Variants in LHX4 observed in about 807,000 individuals in gnomAD.
LHX4 encodes LIM homeobox 4, also known as LIM/homeobox protein Lhx4.
LHX4 carries 16 observed loss-of-function variants against 39.2 expected under a neutral mutation model. That is an observed-to-expected ratio of 0.41 (90% CI 0.28 to 0.62). LHX4 has a LOEUF of 0.62. Ranked by LOEUF, LHX4 falls within the 20% of genes least tolerant of loss-of-function variation. The pLI, the probability that LHX4 is intolerant of heterozygous loss-of-function variation, is 0.33. For missense variants in LHX4, 439 were observed against 511.9 expected, an observed-to-expected ratio of 0.86 and a Z score of 1.37; for synonymous variants, 206 against 198.1, an observed-to-expected ratio of 1.04 and a Z score of -0.33.
intron 2 of LHX4, among the ~76,000 whole-genome samples, chr1:180,262,548 C>A (rs1571279059): frequency 3.3e-5 from 5 of 152,072 alleles, no homozygotes; most frequent in Non-Finnish European, 2.9e-5. Flanking sequence ...TAAACACTTA[C>A]CAAAGTATGC....
At chr1:180,252,277 G>A (rs374242879) in intron 2 of LHX4, among the ~76,000 whole-genome samples, 3 of 152,278 alleles carry the variant, frequency 2.0e-5, no homozygotes, top group Non-Finnish European at 2.9e-5. Flanking sequence ...CAAGCAGTCC[G>A]TGGAACCCCA....
intron 1 of LHX4, among the ~76,000 whole-genome samples, chr1:180,244,744 G>T (rs1258571337): frequency 6.6e-6 from 1 of 152,182 alleles, no homozygotes; most frequent in Non-Finnish European, 1.5e-5. Context: ...CAAGGAGTTG[G>T]GCTAGCTCCC....
At position 180,248,468 on chromosome 1, in the gene LHX4, C is replaced by A; in HGVS notation, c.248+12C>A. On this transcript the variant is annotated intron_variant, in intron 2 of 5. Transcript: ENST00000263726. ...GAGGACTTCTTCAAGTAAGTCAGAA[C>A]GGTCCGTCTCGTGGCCCTGGCCTGT... 1 of 1,613,680 alleles carries A rather than the reference C, an allele frequency of 6.2e-7. No individual in the cohort carries two copies. The highest frequency in any genetic ancestry group is 8.5e-7 in the Non-Finnish European group (1 of 1,179,942).
chr1:180,239,094 A>G (rs1399463669), intron 1 of LHX4, among the ~76,000 whole-genome samples: 2 of 152,256 alleles, frequency 1.3e-5, no homozygotes, highest in African/African-American at 4.8e-5. Context: ...TAATGTAACT[A>G]TACCTCCGTT....
rs2149266809 is a variant in LHX4, at chr1:180,271,893, A to C, written c.665A>C (p.His222Pro). ...EKRLKKDAGR[H>P]RWGQFYKSVK... The stretch of plus-strand genomic sequence containing the variant: ...CGCCTGAAGAAGGATGCAGGGCGGC[A>C]CCGCTGGGGGCAGTTCTATAAGAGC... Residue 222 changes from histidine to proline, a missense_variant, in exon 5 of 6, where the codon CAC becomes CCC. Coordinates refer to ENST00000263726, the MANE Select transcript of LHX4 (RefSeq NM_033343.4). 1 of 1,613,610 alleles carries C rather than the reference A, an allele frequency of 6.2e-7. No individual in the cohort carries two copies. Among genetic ancestry groups the C allele is most frequent in the Non-Finnish European group, 8.5e-7 (1 of 1,179,948 alleles).
rs976725899 is a variant in LHX4, at chr1:180,275,923, G to A, written c.*1344G>A. Reference sequence around the variant, plus strand: ...TGAGGCCAGAGCAAGGCCAACCCCCGCTTTACGAGTTGCCACTCCTGCGAC... The same window carrying A: ...TGAGGCCAGAGCAAGGCCAACCCCCACTTTACGAGTTGCCACTCCTGCGAC... On this transcript the variant is annotated 3_prime_UTR_variant, in exon 6 of 6. Coordinates refer to ENST00000263726, the MANE Select transcript of LHX4 (RefSeq NM_033343.4). 6 of 152,408 alleles carry A rather than the reference G, an allele frequency of 3.9e-5. No individual in the cohort carries two copies. Among genetic ancestry groups the A allele is most frequent in the Admixed American group, 2.6e-4 (4 of 15,302 alleles). 9.4% of individuals were successfully genotyped at this position (152,408 alleles called of 1,614,324 possible).
intron 4 of LHX4, 125 bp from the exon 5 acceptor site, chr1:180,271,710 C>A: frequency 3.1e-6 from 4 of 1,285,238 alleles, no homozygotes; most frequent in Non-Finnish European, 4.5e-6. Context: ...TGGGGCGCAT[C>A]GCACTCCCAG....
rs544240876 is a variant in LHX4 at position 180,252,456 on chromosome 1, C to T, written c.248+4000C>T. Among the ~76,000 whole-genome samples the T allele has an allele frequency of 1.2e-3, 176 of 152,276 alleles. 1 individual carries two copies. Among genetic ancestry groups the T allele is most frequent in the African/African-American group, 3.9e-3 (164 of 41,556 alleles). On this transcript the variant is annotated intron_variant, in intron 2 of 5. Coordinates refer to ENST00000263726, the MANE Select transcript of LHX4 (RefSeq NM_033343.4). Reference sequence around the variant, plus strand: ...CTAGGGAGAGTCCCTTTTCCACGCTCCTTGAAGAAAAAGAAAAAAGAAAAA... The same window carrying T: ...CTAGGGAGAGTCCCTTTTCCACGCTTCTTGAAGAAAAAGAAAAAAGAAAAA...
At chr1:180,251,487 C>T (rs1450103498) in intron 2 of LHX4, among the ~76,000 whole-genome samples, 1 of 152,232 alleles carries the variant, frequency 6.6e-6, no homozygotes, top group Non-Finnish European at 1.5e-5. Context: ...GCCCATTTCT[C>T]GTGTGCCTGG....
Position 180,274,239 on chromosome 1 carries a change from G to T in LHX4, c.833G>T (p.Gly278Val), listed in dbSNP as rs1467560203. The T allele has an allele frequency of 1.9e-6, 3 of 1,614,220 alleles. No individual in the cohort carries two copies. The highest frequency in any genetic ancestry group is 1.7e-6 in the Non-Finnish European group (2 of 1,180,042). The change falls in exon 6 of 6, where the codon GGG becomes GTG. Residue 278 changes from glycine (G) to valine (V), a missense_variant. By Grantham distance (109) the Gly-to-Val change is moderately radical (BLOSUM62 -3). Transcript: ENST00000263726. ...GHTNRIYGNVGDVTGGQLMNG... is the reference protein window; with the variant it reads ...GHTNRIYGNVVDVTGGQLMNG... Reference sequence around the variant, plus strand: ...ACCAATAGGATTTATGGCAACGTGGGGGACGTTACAGGCGGACAGTTAATG... The same window carrying T: ...ACCAATAGGATTTATGGCAACGTGGTGGACGTTACAGGCGGACAGTTAATG...
chr1:180,272,034 A>G, intron 5 of LHX4, 28 bp downstream of exon 5: 1 of 1,596,818 alleles, frequency 6.3e-7, no homozygotes, highest in Non-Finnish European at 8.5e-7. Flanking sequence ...GGCCAGGCCG[A>G]GGCCTTAGGA....
intron 5 of LHX4, 47 bp downstream of exon 5, chr1:180,272,053 T>A (rs764958749): frequency 3.2e-6 from 5 of 1,553,746 alleles, no homozygotes; most frequent in Non-Finnish European, 4.4e-6. Context: ...GAAAGTCCCC[T>A]GGGAATCTGT....
chr1:180,263,605 T>C (rs891782281), intron 2 of LHX4, among the ~76,000 whole-genome samples: 2 of 152,218 alleles, frequency 1.3e-5, no homozygotes, highest in African/African-American at 2.4e-5. Context: ...ATCAGGAAAA[T>C]TGCTTCAATT....
Position 180,277,664 on chromosome 1 carries a change from C to T in LHX4, c.*3085C>T, listed in dbSNP as rs1380275053. The T allele has an allele frequency of 6.6e-6, 1 of 152,184 alleles. No individual in the cohort carries two copies. The highest frequency in any genetic ancestry group is 2.4e-5 in the African/African-American group (1 of 41,426). The allele number at this position is 152,184 out of a possible 1,614,324, so 9.4% of individuals were successfully genotyped here. ...AGTGTTGGGAGTCAGGTTCTTGGCC[C>T]TTCAAGGACTTGCTATGCAACCTCA... On this transcript the variant is annotated 3_prime_UTR_variant, in exon 6 of 6. Coordinates refer to ENST00000263726, the MANE Select transcript of LHX4 (RefSeq NM_033343.4).
chr1:180,238,650 T>C (rs1009762536), intron 1 of LHX4, among the ~76,000 whole-genome samples: 2 of 152,242 alleles, frequency 1.3e-5, no homozygotes, highest in African/African-American at 4.8e-5. Context: ...AATTTTGTGC[T>C]TTAGCTGTGT....
intron 1 of LHX4, among the ~76,000 whole-genome samples, chr1:180,242,132 C>A (rs1343849602): frequency 6.6e-6 from 1 of 152,196 alleles, no homozygotes; most frequent in Admixed American, 6.5e-5. Context: ...CTCCCCACTG[C>A]TTCAGGATTG....
chr1:180,272,340 CT>C (rs1471218288), intron 5 of LHX4, among the ~76,000 whole-genome samples: 2 of 152,200 alleles, frequency 1.3e-5, no homozygotes, highest in African/African-American at 2.4e-5. Flanking sequence ...CCTTGTGCCC[CT>C]AGCCCCTCTC....
chr1:180,275,737 A>G lies in LHX4; in HGVS notation c.*1158A>G, dbSNP rs1303550718. 6.6e-6 allele frequency: 1 copy of G among 152,188 alleles called. No homozygotes were observed. Among genetic ancestry groups the G allele is most frequent in the Non-Finnish European group, 1.5e-5 (1 of 68,046 alleles). The allele number at this position is 152,188 out of a possible 1,614,324, so 9.4% of individuals were successfully genotyped here. ...AGGGAGCAGCCCTAAAATTGTCCAAAGGGTTCTAAGTGGTTCTTGGGCTGC... is the reference window on the plus strand; with the variant it reads ...AGGGAGCAGCCCTAAAATTGTCCAAGGGGTTCTAAGTGGTTCTTGGGCTGC... On this transcript the variant is annotated 3_prime_UTR_variant, in exon 6 of 6. Transcript: ENST00000263726.
chr1:180,254,156 G>C (rs1647748214), intron 2 of LHX4, among the ~76,000 whole-genome samples: 1 of 152,140 alleles, frequency 6.6e-6, no homozygotes, highest in Non-Finnish European at 1.5e-5. Flanking sequence ...CCCGTCAGGG[G>C]GCGTGGAGTG....
Sources: allele counts gnomAD v4.1 joint callset (sites outside exome capture counted in the v4.1 genomes callset), GRCh38; gene constraint gnomAD v4.1.1; transcripts MANE v1.5; gene names NCBI Gene and HGNC (gene_info 2026-07-23, HGNC 2026-07-21).